Variants in PCDHGA8 observed in about 807,000 individuals in gnomAD.
PCDHGA8 encodes the protein protocadherin gamma-A8.
Under a neutral mutation model 59.2 loss-of-function variants are expected in PCDHGA8, and 45 were observed. The ratio of observed to expected loss-of-function variants is 0.76; its 90% CI spans 0.60 to 0.98. PCDHGA8 has a LOEUF of 0.98. Among genes scored for constraint, PCDHGA8 ranks in the 50% least tolerant of loss-of-function variants. The probability of loss-of-function intolerance (pLI) is 0.00; values close to 1 mark genes in which losing one functional copy is unlikely to be tolerated. For missense variants in PCDHGA8, 1,257 were observed against 1,196.2 expected, an observed-to-expected ratio of 1.05 and a Z score of -0.75; for synonymous variants, 531 against 519.0, an observed-to-expected ratio of 1.02 and a Z score of -0.32.
intron 1 of PCDHGA8, chr5:141,403,541 G>A (rs1332209242): frequency 6.2e-7 from 1 of 1,614,016 alleles, no homozygotes. Context: ...GCTGGTGCTG[G>A]AGCGCGCCCT....
intron 2 of PCDHGA8, among the ~76,000 whole-genome samples, chr5:141,505,092 G>A (rs965653546): frequency 5.9e-5 from 9 of 152,170 alleles, no homozygotes; most frequent in African/African-American, 2.2e-4. Flanking sequence ...AACCCAGGAG[G>A]TGGATGTTGC....
intron 1 of PCDHGA8, chr5:141,418,445 T>C (rs2154547687): frequency 2.5e-6 from 4 of 1,614,038 alleles, no homozygotes; most frequent in East Asian, 2.2e-5. Context: ...AGAATTAGTA[T>C]TGCAGAAGAC....
chr5:141,433,106 G>C, intron 1 of PCDHGA8: 1 of 1,614,170 alleles, frequency 6.2e-7, no homozygotes, highest in Non-Finnish European at 8.5e-7. Flanking sequence ...CGTCAGCCAG[G>C]AGAGCTTTGA....
rs115102808 is a variant in PCDHGA8, at chr5:141,394,171, C to T, written c.1358C>T (p.Pro453Leu). 0.011 allele frequency: 17,700 copies of T among 1,613,924 alleles called. 141 individuals are homozygous for T. The highest frequency in any genetic ancestry group is 0.013 in the Non-Finnish European group (15,810 of 1,179,862). The change falls in exon 1 of 4, where the codon CCT becomes CTT. Residue 453 changes from proline (P) to leucine (L), a missense_variant. Pro to Leu is a moderately conservative substitution (Grantham distance 98). Transcript: ENST00000398604. ...ADINDNPPTF[P>L]HASYSAYILE... ...ATTAACGACAACCCTCCTACTTTCC[C>T]TCATGCCTCCTACTCAGCGTATATC...
At chr5:141,508,538 G>C (rs1383873129) in intron 3 of PCDHGA8, among the ~76,000 whole-genome samples, 1 of 152,120 alleles carries the variant, frequency 6.6e-6, no homozygotes, top group African/African-American at 2.4e-5. Flanking sequence ...CACCCCCCAC[G>C]AGGTGGGCGG....
In PCDHGA8 at chr5:141,395,147, G is replaced by T. The variant is rs906877951; in HGVS notation, c.2334G>T (p.Met778Ile). The T allele has an allele frequency of 1.3e-5, 21 of 1,614,092 alleles. No individual in the cohort carries two copies. Among genetic ancestry groups the T allele is most frequent in the Non-Finnish European group, 1.8e-5 (21 of 1,180,050 alleles). Reference sequence around the variant, plus strand: ...TTCCCCAGCCCAACTACGCAGACATGCTCATCAGTCAGGAGGGCTGTGAGA... The same window carrying T: ...TTCCCCAGCCCAACTACGCAGACATTCTCATCAGTCAGGAGGGCTGTGAGA... ...LIFPQPNYAD[M>I]LISQEGCEKN... The change falls in exon 1 of 4, where the codon ATG (methionine) becomes ATT (isoleucine). Residue 778 changes from methionine to isoleucine, a missense_variant. Transcript: ENST00000398604.
At chr5:141,406,185 A>G (rs1204342088) in intron 1 of PCDHGA8, among the ~76,000 whole-genome samples, 1 of 150,712 alleles carries the variant, frequency 6.6e-6, no homozygotes, top group Non-Finnish European at 1.5e-5. Flanking sequence ...CAATCCTCCC[A>G]CCTCAGCCTT....
rs148558897 is a variant in PCDHGA8, at chr5:141,489,890, G to A, written c.2425-4917G>A. On this transcript the variant is annotated intron_variant, in intron 1 of 3. Coordinates refer to ENST00000398604, the MANE Select transcript of PCDHGA8 (RefSeq NM_032088.2). The surrounding 1 kb of genome is among the most constrained non-coding windows in gnomAD (Gnocchi z 4.5). Reference sequence around the variant, plus strand: ...CAGCTGGTGCTTACTGCTGTGGATGGGGGGACCCCAGCCCGCTCAGGGACC... The same window carrying A: ...CAGCTGGTGCTTACTGCTGTGGATGAGGGGACCCCAGCCCGCTCAGGGACC... 6.2e-7 allele frequency: 1 copy of A among 1,614,198 alleles called. No homozygotes were observed. The highest frequency in any genetic ancestry group is 8.5e-7 in the Non-Finnish European group (1 of 1,180,028).
intron 3 of PCDHGA8, 94 bp downstream of exon 3, chr5:141,505,575 C>T: frequency 6.3e-7 from 1 of 1,592,302 alleles, no homozygotes. Context: ...GATGTCAAAC[C>T]TGTGTAGTTT....
rs2092909261 is a variant in PCDHGA8, at chr5:141,394,050, G to GA, written c.1241dup (p.Asn414LysfsTer22). The GA allele has an allele frequency of 2.5e-6, 4 of 1,613,594 alleles. No individual in the cohort carries two copies. The highest frequency in any genetic ancestry group is 3.4e-6 in the Non-Finnish European group (4 of 1,179,766). On this transcript the variant is annotated frameshift_variant, in exon 1 of 4. Coordinates refer to ENST00000398604, the MANE Select transcript of PCDHGA8 (RefSeq NM_032088.2). LOFTEE classifies it high-confidence loss of function. ...AGTGACAAGGAAATATTTGGACCGA[G>GA]AAAATGTCTCTATCTACAATATCAC... is the stretch of plus-strand genomic sequence containing the variant.
intron 1 of PCDHGA8, chr5:141,410,087 G>C (rs1427716409): frequency 6.2e-7 from 1 of 1,612,364 alleles, no homozygotes; most frequent in Admixed American, 1.7e-5. Context: ...GGTGCGCACG[G>C]CTCGAGCCTT....
intron 1 of PCDHGA8, among the ~76,000 whole-genome samples, chr5:141,483,466 A>C (rs1212605130): frequency 6.6e-6 from 1 of 152,188 alleles, no homozygotes. Context: ...GTTGATTGAC[A>C]TGATATAGGA....
chr5:141,498,437 G>C (rs996627716), intron 2 of PCDHGA8, among the ~76,000 whole-genome samples: 1 of 152,170 alleles, frequency 6.6e-6, no homozygotes, highest in Non-Finnish European at 1.5e-5. Flanking sequence ...GGGATGAAGA[G>C]GAGAGGTTCC....
At chr5:141,454,838 C>T (rs1472341694) in intron 1 of PCDHGA8, among the ~76,000 whole-genome samples, 7 of 100,814 alleles carry the variant, frequency 6.9e-5, no homozygotes, top group Non-Finnish European at 1.1e-4. Flanking sequence ...GACAGAGTCG[C>T]GCTCTGTCAC....
chr5:141,415,105 C>T (rs1472993181), intron 1 of PCDHGA8: 1 of 1,613,652 alleles, frequency 6.2e-7, no homozygotes, highest in African/African-American at 1.3e-5. Flanking sequence ...CGCGCTCAAG[C>T]AAAGCCTCGT....
rs1184232947 is a variant in PCDHGA8 at position 141,487,060 on chromosome 5, G to T, written c.2425-7747G>T. ...TCTCTCGATATGCTGGGGAGGTGCG[G>T]ACGGCTGTTCCTATCCCAGCTGACC... On this transcript the variant is annotated intron_variant, in intron 1 of 3. Transcript: ENST00000398604. This position sits in a 1 kb window ranked among gnomAD's most constrained non-coding sequence, Gnocchi z 5.0. The T allele has an allele frequency of 1.9e-6, 3 of 1,614,182 alleles. No individual in the cohort carries two copies. In the East Asian group the frequency reaches 6.7e-5, roughly 36 times the overall value.
At position 141,432,718 on chromosome 5, in the gene PCDHGA8, T is replaced by C; in HGVS notation, c.2424+37481T>C. ...CCGTCCAGGACCACGGCCAGCCCCC[T>C]CTCTCCGCCACTGTCACGCTCACCG... On this transcript the variant is annotated intron_variant, in intron 1 of 3. Coordinates refer to ENST00000398604, the MANE Select transcript of PCDHGA8 (RefSeq NM_032088.2). This position sits in a 1 kb window ranked among gnomAD's most constrained non-coding sequence, Gnocchi z 6.0. 1 of 1,613,476 alleles carries C rather than the reference T, an allele frequency of 6.2e-7. No homozygotes were observed. The highest frequency in any genetic ancestry group is 8.5e-7 in the Non-Finnish European group (1 of 1,179,862).
chr5:141,425,979 A>T lies in PCDHGA8; in HGVS notation c.2424+30742A>T, dbSNP rs114212354. ...GTCCAACACATCAGTCTAATTCTGA[A>T]TCCCATTGAATTAGCAAAGGCTTCC... On this transcript the variant is annotated intron_variant, in intron 1 of 3. Coordinates refer to ENST00000398604, the MANE Select transcript of PCDHGA8 (RefSeq NM_032088.2). Among the ~76,000 whole-genome samples, 592 of 152,328 alleles carry T rather than the reference A, an allele frequency of 3.9e-3. 5 individuals carry two copies. Among genetic ancestry groups the T allele is most frequent in the African/African-American group, 0.014 (563 of 41,580 alleles).
intron 2 of PCDHGA8, among the ~76,000 whole-genome samples, chr5:141,503,072 C>T (rs2099817948): frequency 6.6e-6 from 1 of 151,728 alleles, no homozygotes; most frequent in Non-Finnish European, 1.5e-5. Flanking sequence ...TCAGAATGGT[C>T]TCGATCTCCT....
Sources: allele counts gnomAD v4.1 joint callset (sites outside exome capture counted in the v4.1 genomes callset), GRCh38; gene constraint gnomAD v4.1.1; non-coding constraint Gnocchi (gnomAD v3.1); transcripts MANE v1.5; gene names NCBI Gene and HGNC (gene_info 2026-07-23, HGNC 2026-07-21).